The following ALCAM variants were observed in gnomAD, a reference collection of about 807,000 sequenced individuals.
ALCAM encodes the protein CD166 antigen.
In ALCAM, 30 loss-of-function variants were observed where a neutral mutation model predicts 70.9. The observed-to-expected ratio is 0.42, with a 90% confidence interval of 0.32 to 0.57. The LOEUF (loss-of-function observed/expected upper bound fraction) is 0.57. Ranked by LOEUF, ALCAM falls within the 20% of genes least tolerant of loss-of-function variation. The pLI is 0.11. For missense variants in ALCAM, 591 were observed against 695.1 expected (o/e 0.85, Z 1.68); for synonymous variants, 249 against 242.5 (o/e 1.03, Z -0.25).
intron 8 of ALCAM, chr3:105,544,891 A>T (rs1369766786): frequency 3.7e-6 from 1 of 267,804 alleles, no homozygotes; most frequent in African/African-American, 2.3e-5. Context: ...CATCATCTTT[A>T]TTTTCTTCCA....
At chr3:105,562,439 A>G (rs1420955186) in intron 14 of ALCAM, among the ~76,000 whole-genome samples, 1 of 152,222 alleles carries the variant, frequency 6.6e-6, no homozygotes, top group African/African-American at 2.4e-5. Flanking sequence ...AATTACATTC[A>G]TTGATTGTTG....
intron 6 of ALCAM, among the ~76,000 whole-genome samples, chr3:105,536,891 C>T (rs540305517): frequency 1.3e-5 from 2 of 152,202 alleles, no homozygotes; most frequent in Middle Eastern, 3.4e-3. Context: ...TGTTAGAGCA[C>T]AGATTACTGC....
intron 1 of ALCAM, among the ~76,000 whole-genome samples, chr3:105,506,613 A>T (rs1447487006): frequency 2.0e-5 from 3 of 152,094 alleles, no homozygotes; most frequent in Non-Finnish European, 2.9e-5. Flanking sequence ...TTTTTTTTAA[A>T]CCCAAATGAC....
intron 1 of ALCAM, among the ~76,000 whole-genome samples, chr3:105,516,979 C>A (rs906142332): frequency 1.8e-4 from 28 of 151,962 alleles, no homozygotes; most frequent in Non-Finnish European, 3.8e-4. Context: ...TTAGACTTGG[C>A]AATTCAAAGA....
At chr3:105,468,878 G>T (rs1250783974) in intron 1 of ALCAM, among the ~76,000 whole-genome samples, 1 of 151,188 alleles carries the variant, frequency 6.6e-6, no homozygotes, top group East Asian at 1.9e-4. Context: ...TTATTTTTCT[G>T]ATTTCATGTG....
intron 1 of ALCAM, among the ~76,000 whole-genome samples, chr3:105,378,858 A>G (rs753557280): frequency 6.6e-6 from 1 of 151,960 alleles, no homozygotes; most frequent in Non-Finnish European, 1.5e-5. Flanking sequence ...TCTAGAATCC[A>G]TCCAAAGTGT....
chr3:105,523,160 AAAAAAAG>A (rs1939596119), intron 2 of ALCAM, among the ~76,000 whole-genome samples: 4 of 150,896 alleles, frequency 2.7e-5, no homozygotes, highest in Admixed American at 2.6e-4. Context: ...AAAAAAAAAA[AAAAAAAG>A]AAAGCCCAAA....
At chr3:105,569,181 T>G (rs1383653577) in intron 14 of ALCAM, among the ~76,000 whole-genome samples, 1 of 151,416 alleles carries the variant, frequency 6.6e-6, no homozygotes, top group Non-Finnish European at 1.5e-5. Context: ...ATGAAAGGAG[T>G]GGCAGTTAAT....
At chr3:105,413,737 A>G (rs895043183) in intron 1 of ALCAM, among the ~76,000 whole-genome samples, 1 of 152,178 alleles carries the variant, frequency 6.6e-6, no homozygotes, top group African/African-American at 2.4e-5. Flanking sequence ...TGTTATTGCA[A>G]TGTGTGTTTG....
intron 3 of ALCAM, among the ~76,000 whole-genome samples, chr3:105,527,737 G>A (rs1939740861): frequency 6.6e-6 from 1 of 152,062 alleles, no homozygotes; most frequent in East Asian, 1.9e-4. Flanking sequence ...GGTACATATG[G>A]ACCAGGTCTT....
At chr3:105,500,553 T>C (rs1006679633) in intron 1 of ALCAM, among the ~76,000 whole-genome samples, 7 of 152,226 alleles carry the variant, frequency 4.6e-5, no homozygotes, top group Non-Finnish European at 1.0e-4. Flanking sequence ...ACTTGAAATA[T>C]ATTATCTCCA....
At chr3:105,484,827 C>G (rs1315319891) in intron 1 of ALCAM, among the ~76,000 whole-genome samples, 1 of 152,034 alleles carries the variant, frequency 6.6e-6, no homozygotes, top group Admixed American at 6.6e-5. Context: ...AGAAGAAAAG[C>G]TCTTCTCAGC....
chr3:105,510,379 G>C (rs994585683), intron 1 of ALCAM, among the ~76,000 whole-genome samples: 4 of 152,080 alleles, frequency 2.6e-5, no homozygotes, highest in Admixed American at 2.6e-4. Flanking sequence ...GCTGGGAACA[G>C]CTGGTAAAAG....
At chr3:105,507,502 T>C (rs1939111011) in intron 1 of ALCAM, among the ~76,000 whole-genome samples, 1 of 152,318 alleles carries the variant, frequency 6.6e-6, no homozygotes, top group South Asian at 2.1e-4. Context: ...CAGAATGGCA[T>C]ATAGTTGGAA....
At chr3:105,486,778 T>C (rs1938440972) in intron 1 of ALCAM, among the ~76,000 whole-genome samples, 2 of 152,242 alleles carry the variant, frequency 1.3e-5, no homozygotes, top group South Asian at 4.1e-4. Context: ...AAAATATAGA[T>C]GGAAAACTTG....
At chr3:105,541,108 T>C (rs1940103788) in intron 7 of ALCAM, among the ~76,000 whole-genome samples, 1 of 108,152 alleles carries the variant, frequency 9.2e-6, no homozygotes. Context: ...TCTTAATTTC[T>C]TAATTTCTTT....
intron 1 of ALCAM, among the ~76,000 whole-genome samples, chr3:105,378,116 T>A (rs192800614): frequency 6.6e-6 from 1 of 152,108 alleles, no homozygotes; most frequent in Admixed American, 6.6e-5. Flanking sequence ...TTTACAAATT[T>A]TTTTAAAAAT....
intron 1 of ALCAM, among the ~76,000 whole-genome samples, chr3:105,470,475 G>T (rs1937895213): frequency 6.6e-6 from 1 of 151,248 alleles, no homozygotes; most frequent in Admixed American, 6.6e-5. Context: ...GGAAACAAGT[G>T]TTTAGGGGTT....
intron 7 of ALCAM, among the ~76,000 whole-genome samples, chr3:105,540,665 TA>T (rs1940094381): frequency 6.6e-6 from 1 of 152,042 alleles, no homozygotes; most frequent in Non-Finnish European, 1.5e-5. Flanking sequence ...CTGCATGTCA[TA>T]AGGATCTGGA....
Sources: allele counts gnomAD v4.1 joint callset (sites outside exome capture counted in the v4.1 genomes callset), GRCh38; gene constraint gnomAD v4.1.1; transcripts MANE v1.5; gene names NCBI Gene and HGNC (gene_info 2026-07-23, HGNC 2026-07-21).